The following ATG10 variants were observed in gnomAD, a reference collection of about 807,000 sequenced individuals.
The protein encoded by ATG10 is autophagy related 10, also known as ubiquitin-like-conjugating enzyme ATG10.
Under a neutral mutation model 32.1 loss-of-function variants are expected in ATG10, and 30 were observed. The ratio of observed to expected loss-of-function variants is 0.94; its 90% CI spans 0.70 to 1.27. ATG10 has a LOEUF of 1.27. Ranked by LOEUF, ATG10 falls within the 50% of genes most tolerant of loss-of-function variation. ATG10 has a pLI of 0.00. For missense variants in ATG10, 233 were observed against 262.3 expected, an observed-to-expected ratio of 0.89 and a Z score of 0.77; for synonymous variants, 87 against 91.5, an observed-to-expected ratio of 0.95 and a Z score of 0.28.
At chr5:82,092,045 A>G (rs1268136180) in intron 3 of ATG10, among the ~76,000 whole-genome samples, 2 of 152,208 alleles carry the variant, frequency 1.3e-5, no homozygotes, top group Non-Finnish European at 2.9e-5. Context: ...TCAAATGGAT[A>G]TATGGAGTTT....
intron 3 of ATG10, among the ~76,000 whole-genome samples, chr5:82,124,396 C>T (rs1342863034): frequency 6.6e-6 from 1 of 151,632 alleles, no homozygotes. Context: ...GTTTGCTCCA[C>T]CCATCAACCC....
chr5:82,138,646 A>G (rs777017290), intron 3 of ATG10, among the ~76,000 whole-genome samples: 6 of 152,188 alleles, frequency 3.9e-5, no homozygotes, highest in Non-Finnish European at 8.8e-5. Context: ...TGGGAGCAGC[A>G]GACTGGAGCT....
Position 82,082,151 on chromosome 5 carries a change from T to TG in ATG10, c.216+23559dup, listed in dbSNP as rs1202989588. ...GGGAGTTACAATTCCAGATGAGATT[T>TG]GGGGGGGGGGACACAGCCAAACCAT... On this transcript the variant is annotated intron_variant, in intron 3 of 7. Transcript: ENST00000282185. Among the ~76,000 whole-genome samples the TG allele has an allele frequency of 3.8e-3, 576 of 150,310 alleles. 3 individuals are homozygous for TG. The highest frequency in any genetic ancestry group is 0.011 in the African/African-American group (464 of 40,810).
chr5:82,187,124 A>G (rs916286724), intron 5 of ATG10, among the ~76,000 whole-genome samples: 3 of 151,854 alleles, frequency 2.0e-5, no homozygotes, highest in Non-Finnish European at 2.9e-5. Context: ...CCTAGGTAAC[A>G]TAACAAGACC....
At chr5:82,005,825 A>G (rs1454149397) in intron 2 of ATG10, among the ~76,000 whole-genome samples, 2 of 152,150 alleles carry the variant, frequency 1.3e-5, no homozygotes, top group African/African-American at 4.8e-5. Context: ...AAAATATCCT[A>G]CTTTCTTGAG....
At chr5:82,072,910 C>T (rs1167488812) in intron 3 of ATG10, 2 of 152,124 alleles carry the variant, frequency 1.3e-5, no homozygotes, top group African/African-American at 4.8e-5. Context: ...ATACTATCTA[C>T]TTGATGGACT....
intron 1 of ATG10, among the ~76,000 whole-genome samples, chr5:81,983,076 C>A (rs1761107261): frequency 6.6e-6 from 1 of 152,204 alleles, no homozygotes; most frequent in Non-Finnish European, 1.5e-5. Context: ...GGGTACACCT[C>A]CCAGACGGGG....
intron 3 of ATG10, among the ~76,000 whole-genome samples, chr5:82,133,217 C>T (rs186619270): frequency 1.2e-4 from 19 of 152,210 alleles, no homozygotes; most frequent in South Asian, 4.2e-4. Flanking sequence ...GTTTCTTTTG[C>T]GGTGCAGAAG....
At chr5:82,066,099 G>T (rs981779563) in intron 3 of ATG10, among the ~76,000 whole-genome samples, 3 of 151,914 alleles carry the variant, frequency 2.0e-5, no homozygotes, top group African/African-American at 7.3e-5. Flanking sequence ...GCTCAGAAAG[G>T]GGAAATATCT....
chr5:82,122,025 C>A (rs1000848645), intron 3 of ATG10, among the ~76,000 whole-genome samples: 20 of 148,756 alleles, frequency 1.3e-4, no homozygotes, highest in South Asian at 4.3e-4. Context: ...GGAGAGGAGT[C>A]CCACCTCAAT....
intron 3 of ATG10, among the ~76,000 whole-genome samples, chr5:82,141,342 C>CA (rs1184297136): frequency 3.3e-5 from 5 of 151,160 alleles, no homozygotes; most frequent in Non-Finnish European, 7.4e-5. Flanking sequence ...TGAACTGATA[C>CA]ACTTGATTCA....
chr5:82,115,386 A>G (rs1765771692), intron 3 of ATG10, among the ~76,000 whole-genome samples: 1 of 152,096 alleles, frequency 6.6e-6, no homozygotes, highest in Admixed American at 6.6e-5. Flanking sequence ...TGGAGAGTAG[A>G]TGAGATAGAA....
chr5:82,148,931 G>A (rs1426743244), intron 3 of ATG10, among the ~76,000 whole-genome samples: 1 of 151,846 alleles, frequency 6.6e-6, no homozygotes, highest in Non-Finnish European at 1.5e-5. Flanking sequence ...CTGAAATATG[G>A]CATTTCTCAA....
chr5:82,218,052 TAC>T lies in ATG10; in HGVS notation c.454-34476_454-34475del, dbSNP rs60254193. 5.8e-3 allele frequency among the ~76,000 whole-genome samples: 837 copies of T among 145,250 alleles called. 7 individuals carry two copies. Among genetic ancestry groups the T allele is most frequent in the African/African-American group, 0.016 (615 of 38,924 alleles). ...TTATAACAGAACACTGTTCTCTCTTTACACACACACACACACACACACACACA... is the reference window on the plus strand; with the variant it reads ...TTATAACAGAACACTGTTCTCTCTTTACACACACACACACACACACACACA... On this transcript the variant is annotated intron_variant, in intron 5 of 7. Transcript: ENST00000282185.
At chr5:82,121,427 C>T (rs114580182) in intron 3 of ATG10, among the ~76,000 whole-genome samples, 89 of 152,298 alleles carry the variant, frequency 5.8e-4, no homozygotes, top group African/African-American at 2.0e-3. Context: ...TTGACTCCCT[C>T]TCTTCCTATT....
At chr5:82,063,699 C>T (rs1019585484) in intron 3 of ATG10, among the ~76,000 whole-genome samples, 3 of 152,030 alleles carry the variant, frequency 2.0e-5, no homozygotes, top group Non-Finnish European at 4.4e-5. Flanking sequence ...ACCATGTTGG[C>T]CAGGCTGGTC....
In ATG10 at chr5:82,237,677, TC is replaced by T. The variant is rs374251386; in HGVS notation, c.454-14881del. On this transcript the variant is annotated intron_variant, in intron 5 of 7. Coordinates refer to ENST00000282185, the MANE Select transcript of ATG10 (RefSeq NM_031482.5). ...AAAAAAGTCTTTGCTGCCGTCTCTC[TC>T]CCCGAGTCAGAAGTGACCTCTCCTT... Among the ~76,000 whole-genome samples, 41 of 151,880 alleles carry T rather than the reference TC, an allele frequency of 2.7e-4. No homozygotes were observed. The East Asian group carries it at 7.0e-3, about 26-fold the overall frequency.
At chr5:81,975,759 T>C (rs1004170722) in intron 1 of ATG10, among the ~76,000 whole-genome samples, 1 of 152,192 alleles carries the variant, frequency 6.6e-6, no homozygotes, top group East Asian at 1.9e-4. Flanking sequence ...CATCTTACTA[T>C]CTAGTTTTCT....
chr5:82,055,268 T>C (rs1763555545), intron 2 of ATG10, among the ~76,000 whole-genome samples: 2 of 152,134 alleles, frequency 1.3e-5, no homozygotes, highest in Middle Eastern at 3.4e-3. Context: ...CTACCAAATA[T>C]AGAGCAAAAA....
Sources: allele counts gnomAD v4.1 joint callset (sites outside exome capture counted in the v4.1 genomes callset), GRCh38; gene constraint gnomAD v4.1.1; transcripts MANE v1.5; gene names NCBI Gene and HGNC (gene_info 2026-07-23, HGNC 2026-07-21).